IGDCC3: variants seen among roughly 807,000 people sequenced by gnomAD.
IGDCC3 encodes the protein immunoglobulin superfamily DCC subclass member 3.
A neutral mutation model predicts 72.0 loss-of-function variants in IGDCC3; 47 were observed. The observed-to-expected ratio is 0.65, with a 90% CI of 0.52 to 0.83. The LOEUF (loss-of-function observed/expected upper bound fraction) is 0.83. Among genes scored for constraint, IGDCC3 ranks in the 40% least tolerant of loss-of-function variants. The pLI is 0.00. For missense variants in IGDCC3, 1,038 were observed against 1,091.3 expected (o/e 0.95, Z 0.69); for synonymous variants, 477 against 472.8 (o/e 1.01, Z -0.11).
chr15:65,346,467 T>TG (rs1189916429), intron 2 of IGDCC3, among the ~76,000 whole-genome samples: 1 of 151,878 alleles, frequency 6.6e-6, no homozygotes, highest in East Asian at 1.9e-4. Context: ...TCAGCTCTTT[T>TG]TTTTTTTGAG....
Position 65,335,415 on chromosome 15 carries a change from T to C in IGDCC3, c.561A>G (p.Thr187=). ...VPIDTDNERY[T]LLPKGVLQIT... is the part of the protein sequence containing the mutation. ...TCTGCAGGACCCCCTTGGGCAGCAATGTGTACCTGTTGAGGGGAGGGACAT... is the reference window on the plus strand; with the variant it reads ...TCTGCAGGACCCCCTTGGGCAGCAACGTGTACCTGTTGAGGGGAGGGACAT... Residue 187 remains threonine (T), a synonymous_variant, in exon 4 of 14, where the codon ACA becomes ACG. Transcript: ENST00000327987. 6.2e-7 allele frequency: 1 copy of C among 1,610,070 alleles called. No homozygotes were observed. Among genetic ancestry groups the C allele is most frequent in the Non-Finnish European group, 8.5e-7 (1 of 1,178,198 alleles).
intron 2 of IGDCC3, among the ~76,000 whole-genome samples, chr15:65,341,532 C>T (rs960148155): frequency 7.2e-5 from 11 of 152,264 alleles, no homozygotes; most frequent in Middle Eastern, 6.8e-3. Context: ...GAATATTATT[C>T]GGCCTTAAAA....
intron 2 of IGDCC3, among the ~76,000 whole-genome samples, chr15:65,357,395 T>C (rs887392058): frequency 6.6e-6 from 1 of 152,238 alleles, no homozygotes; most frequent in Non-Finnish European, 1.5e-5. Flanking sequence ...ACCATTTATT[T>C]GACACATATC....
intron 2 of IGDCC3, among the ~76,000 whole-genome samples, chr15:65,362,828 T>C (rs2140165622): frequency 6.6e-6 from 1 of 150,840 alleles, no homozygotes; most frequent in Admixed American, 6.6e-5. Context: ...GGGGTTTTAT[T>C]ACCAGCGAGG....
intron 2 of IGDCC3, among the ~76,000 whole-genome samples, chr15:65,372,254 G>C (rs183012095): frequency 1.3e-5 from 2 of 152,176 alleles, no homozygotes; most frequent in Non-Finnish European, 2.9e-5. Flanking sequence ...ACGTTTCACA[G>C]GCAAGGAAAC....
chr15:65,347,892 C>T (rs540710647), intron 2 of IGDCC3, among the ~76,000 whole-genome samples: 3 of 152,132 alleles, frequency 2.0e-5, no homozygotes, highest in Non-Finnish European at 4.4e-5. Flanking sequence ...GCCGAGGTCA[C>T]GCCATTGCAC....
chr15:65,356,848 CTTT>C lies in IGDCC3; in HGVS notation c.409+18246_409+18248del, dbSNP rs766472764. Among the ~76,000 whole-genome samples the C allele has an allele frequency of 3.8e-3, 267 of 70,880 alleles. 11 individuals are homozygous for C. The highest frequency in any genetic ancestry group is 0.017 in the African/African-American group (255 of 15,036). 46.5% of individuals were successfully genotyped at this position (70,880 alleles called of 152,430 possible). On this transcript the variant is annotated intron_variant, in intron 2 of 13. Coordinates refer to ENST00000327987, the MANE Select transcript of IGDCC3 (RefSeq NM_004884.4). ...GATGTGAGATTTGAGAATGGACCTG[CTTT>C]TTTTTTTTTTTTTTTTGAGATGGAG... is the stretch of plus-strand genomic sequence containing the variant.
At chr15:65,334,609 C>A (rs1056063160) in intron 5 of IGDCC3, 119 bp downstream of exon 5, 10 of 946,626 alleles carry the variant, frequency 1.1e-5, no homozygotes, top group Middle Eastern at 3.3e-4. Context: ...TAGAATGGAC[C>A]CCCACAGAGA....
chr15:65,356,703 G>T (rs2091223078), intron 2 of IGDCC3, among the ~76,000 whole-genome samples: 1 of 146,870 alleles, frequency 6.8e-6, no homozygotes, highest in Non-Finnish European at 1.5e-5. Context: ...GGTTGGGGGG[G>T]TGGGTGGGGA....
intron 7 of IGDCC3, 51 bp downstream of exon 7, chr15:65,331,890 G>T (rs686739): frequency 6.4e-7 from 1 of 1,573,148 alleles, no homozygotes; most frequent in Non-Finnish European, 8.6e-7. Flanking sequence ...TCCAGGCCCC[G>T]CTTTCCCTGC....
rs2090995448 is a variant in IGDCC3 at position 65,333,266 on chromosome 15, C to T, written c.973G>A (p.Val325Met). The part of the protein sequence containing the change: ...RVRRTAQGRL[V>M]VQAPAEFVQH... ...GTTGGCTGATCCATACCTTGCACCA[C>T]CAGCCGGCCCTGTGCCGTTCTCCTC... Residue 325 changes from valine (V) to methionine (M), a missense_variant, in exon 6 of 14, where the codon GTG becomes ATG. Transcript: ENST00000327987. The T allele has an allele frequency of 1.2e-6, 2 of 1,605,938 alleles. No individual in the cohort carries two copies.
At chr15:65,361,169 C>T (rs2091257890) in intron 2 of IGDCC3, among the ~76,000 whole-genome samples, 1 of 152,142 alleles carries the variant, frequency 6.6e-6, no homozygotes, top group Admixed American at 6.5e-5. Context: ...TGGCTCAAGC[C>T]TGTAATCCCA....
intron 2 of IGDCC3, among the ~76,000 whole-genome samples, chr15:65,361,271 T>TAAA (rs2091258737): frequency 8.8e-6 from 1 of 113,046 alleles, no homozygotes; most frequent in African/African-American, 4.1e-5. Flanking sequence ...CTACTAAAAA[T>TAAA]AATAATAATA....
At chr15:65,363,448 C>T (rs2091273067) in intron 2 of IGDCC3, among the ~76,000 whole-genome samples, 1 of 152,188 alleles carries the variant, frequency 6.6e-6, no homozygotes. Context: ...TCCCTGGAAG[C>T]AGTGGTCCCC....
At chr15:65,345,204 C>G (rs1300933934) in intron 2 of IGDCC3, among the ~76,000 whole-genome samples, 1 of 152,180 alleles carries the variant, frequency 6.6e-6, no homozygotes, top group South Asian at 2.1e-4. Flanking sequence ...CAGGAGCAAA[C>G]TCCCTCCATC....
rs535338609 is a variant in IGDCC3 at position 65,358,217 on chromosome 15, C to A, written c.409+16880G>T. Among the ~76,000 whole-genome samples, 4 of 151,988 alleles carry A rather than the reference C, an allele frequency of 2.6e-5. No homozygotes were observed. The East Asian group carries it at 7.8e-4, about 29-fold the overall frequency. On this transcript the variant is annotated intron_variant, in intron 2 of 13. Transcript: ENST00000327987. ...ACCTCTCAGGCTCAAGCGATCCTCC[C>A]ACCTCAGCTCCCTAAGTACCTGGGA...
Position 65,369,783 on chromosome 15 carries a change from A to G in IGDCC3, c.409+5314T>C, listed in dbSNP as rs560123657. On this transcript the variant is annotated intron_variant, in intron 2 of 13. Coordinates refer to ENST00000327987, the MANE Select transcript of IGDCC3 (RefSeq NM_004884.4). The stretch of plus-strand genomic sequence containing the variant: ...ACTGTGCCAGGAACTACCTCCCTCC[A>G]TGACCCACCTCCCTACACAGGGCAC... 2.0e-5 allele frequency among the ~76,000 whole-genome samples: 3 copies of G among 151,918 alleles called. No homozygotes were observed. In the South Asian group the frequency reaches 6.2e-4, roughly 32 times the overall value.
chr15:65,333,475 G>A, intron 5 of IGDCC3, 60 bp from the exon 6 acceptor site: 2 of 1,469,222 alleles, frequency 1.4e-6, no homozygotes, highest in Non-Finnish European at 1.8e-6. Flanking sequence ...AAGAAGGAAA[G>A]TAAAGGAAAC....
chr15:65,342,262 T>G (rs2091088374), intron 2 of IGDCC3, among the ~76,000 whole-genome samples: 1 of 151,956 alleles, frequency 6.6e-6, no homozygotes, highest in Non-Finnish European at 1.5e-5. Flanking sequence ...GGCACATGCC[T>G]GTAATCCCAG....
Sources: allele counts gnomAD v4.1 joint callset (sites outside exome capture counted in the v4.1 genomes callset), GRCh38; gene constraint gnomAD v4.1.1; transcripts MANE v1.5; gene names NCBI Gene and HGNC (gene_info 2026-07-23, HGNC 2026-07-21).